C3: variants seen among roughly 807,000 people sequenced by gnomAD.
C3 encodes the protein complement C3.
Under a neutral mutation model 207.9 loss-of-function variants are expected in C3, and 97 were observed. The observed-to-expected ratio is 0.47, with a 90% CI of 0.40 to 0.55. The LOEUF is 0.55. Among genes scored for constraint, C3 ranks in the 20% least tolerant of loss-of-function variants. The pLI is 0.00. For missense variants in C3, 1,684 were observed against 2,171.7 expected (o/e 0.78, Z 4.46); for synonymous variants, 848 against 857.6 (o/e 0.99, Z 0.20).
At chr19:6,709,611 T>TTGGCCCCCCCC in intron 14 of C3, 73 bp downstream of exon 14, 2 of 1,109,450 alleles carry the variant, frequency 1.8e-6, no homozygotes, top group Non-Finnish European at 1.4e-6. Flanking sequence ...CCCTCTCCAG[T>TTGGCCCCCCCC]CCCACCCACC....
intron 24 of C3, among the ~76,000 whole-genome samples, 158 bp from the exon 25 acceptor site, chr19:6,693,645 G>T (rs1310511841): frequency 6.6e-6 from 1 of 151,926 alleles, no homozygotes; most frequent in Non-Finnish European, 1.5e-5. Flanking sequence ...CTCAAAGAGG[G>T]TGGGGGATCA....
chr19:6,686,227 G>T lies in C3; in HGVS notation c.3707C>A (p.Ala1236Asp), dbSNP rs751291448. Residue 1236 changes from alanine (A) to aspartate (D), a missense_variant, in exon 29 of 41, where the codon GCC (alanine) becomes GAC (aspartate). Around this residue, in one of 3 missense-constraint regions of C3, gnomAD observed 1,280 missense variants for 1,739.1 expected, o/e 0.74. Coordinates refer to ENST00000245907, the MANE Select transcript of C3 (RefSeq NM_000064.4). ...TTTTAGCTGCAGTAGGGCCAAGAGG[G>T]CATAGGATGTGGCCTCCACGTTGTA... ...QLYNVEATSY[A>D]LLALLQLKDF... 1 of 1,614,136 alleles carries T rather than the reference G, an allele frequency of 6.2e-7. No individual in the cohort carries two copies.
chr19:6,690,751 G>C, intron 26 of C3, 24 bp from the exon 27 acceptor site: 1 of 1,584,938 alleles, frequency 6.3e-7, no homozygotes, highest in South Asian at 1.1e-5. Flanking sequence ...CAGAAAGCAA[G>C]GATGGGGTCA....
In C3 at chr19:6,686,882, A is replaced by C. The variant is rs753520564; in HGVS notation, c.3510T>G (p.Thr1170=). The C allele has an allele frequency of 2.5e-6, 4 of 1,614,200 alleles. No homozygotes were observed. The East Asian group carries it at 6.7e-5, about 27-fold the overall frequency. The change falls in exon 28 of 41, where the codon ACT becomes ACG. Residue 1170 remains threonine, a synonymous_variant. Transcript: ENST00000245907. ...EQVNSLPGSI[T]KAGDFLEANY... is the part of the protein sequence containing the mutation. ...TGGCTTCAAGGAAGTCTCCTGCTTT[A>C]GTGATGCTGCCTGGCAGGCTCTATG...
intron 19 of C3, among the ~76,000 whole-genome samples, chr19:6,700,011 A>G (rs1967609779): frequency 6.7e-6 from 1 of 148,532 alleles, no homozygotes; most frequent in Non-Finnish European, 1.5e-5. Flanking sequence ...GTCAACAATA[A>G]CAAATGACAT....
Position 6,714,432 on chromosome 19 carries a change from G to C in C3, c.519C>G (p.Ile173Met). 1 of 1,613,582 alleles carries C rather than the reference G, an allele frequency of 6.2e-7. No individual in the cohort carries two copies. Among genetic ancestry groups the C allele is most frequent in the Non-Finnish European group, 8.5e-7 (1 of 1,179,850 alleles). The stretch of plus-strand genomic sequence containing the variant: ...AAGACAAGGAGTCCTGCTTGACCGG[G>C]ATGCCTTCCGGGTTCTGTGGGAGGC... Reference protein sequence around the residue: ...VMVNIENPEGIPVKQDSLSSQ... With the variant: ...VMVNIENPEGMPVKQDSLSSQ... Residue 173 changes from isoleucine (I) to methionine (M), a missense_variant, in exon 5 of 41, where the codon ATC becomes ATG. By Grantham distance (10) the Ile-to-Met change is conservative. Transcript: ENST00000245907.
intron 14 of C3, 73 bp downstream of exon 14, chr19:6,709,611 T>TCCCCCCCCCCCCCCCCCCCCCCCC: frequency 6.3e-6 from 7 of 1,109,382 alleles, no homozygotes; most frequent in Admixed American, 3.5e-5. Context: ...CCCTCTCCAG[T>TCCCCCCCCCCCCCCCCCCCCCCCC]CCCACCCACC....
intron 2 of C3, among the ~76,000 whole-genome samples, 157 bp from the exon 3 acceptor site, chr19:6,718,569 G>A (rs1441781107): frequency 3.3e-5 from 5 of 151,836 alleles, no homozygotes; most frequent in Non-Finnish European, 4.4e-5. Flanking sequence ...AAGGAGGTGC[G>A]AGGGGAGAGG....
At chr19:6,680,011 C>T (rs1432908875) in intron 36 of C3, 147 bp downstream of exon 36, 2 of 684,640 alleles carry the variant, frequency 2.9e-6, no homozygotes, top group East Asian at 2.8e-5. Flanking sequence ...TCCTTGGGAC[C>T]CTCAGACCCG....
At chr19:6,700,438 A>AAT (rs1377816363) in intron 19 of C3, among the ~76,000 whole-genome samples, 1 of 51,878 alleles carries the variant, frequency 1.9e-5, no homozygotes, top group Admixed American at 3.3e-4. Flanking sequence ...TGATATATGT[A>AAT]ATATGATATA....
chr19:6,715,487 T>TAATG lies in C3; in HGVS notation c.505-1045_505-1042dup, dbSNP rs563764188. Among the ~76,000 whole-genome samples, 28 of 151,760 alleles carry TAATG rather than the reference T, an allele frequency of 1.8e-4. No individual in the cohort carries two copies. In the South Asian group the frequency reaches 5.6e-3, roughly 30 times the overall value. On this transcript the variant is annotated intron_variant, in intron 4 of 40. Transcript: ENST00000245907. ...TGAGACCCTGTCTCAAAAATAATAA[T>TAATG]AATGAATGAATGAATGAATAAATAA...
chr19:6,699,370 G>A (rs1316416196), intron 19 of C3, among the ~76,000 whole-genome samples: 1 of 151,086 alleles, frequency 6.6e-6, no homozygotes, highest in African/African-American at 2.4e-5. Context: ...CTTTGCACCC[G>A]GCCTGAGAAT....
rs553222471 is a variant in C3 at position 6,685,810 on chromosome 19, T to C, written c.3810+314A>G. On this transcript the variant is annotated intron_variant, in intron 29 of 40. Coordinates refer to ENST00000245907, the MANE Select transcript of C3 (RefSeq NM_000064.4). The stretch of plus-strand genomic sequence containing the variant: ...AGCAAGACAGGGTAAGATTGTGAGA[T>C]AGAACTGGGAACCTGGTCTAGAGCC... Among the ~76,000 whole-genome samples, 199 of 152,186 alleles carry C rather than the reference T, an allele frequency of 1.3e-3. 5 individuals carry two copies. The East Asian group carries it at 0.035, about 27-fold the overall frequency.
intron 1 of C3, among the ~76,000 whole-genome samples, chr19:6,720,065 A>T (rs11569401): frequency 7.3e-5 from 11 of 151,276 alleles, no homozygotes; most frequent in Non-Finnish European, 1.3e-4. Context: ...GTCTCCAAAC[A>T]CCCCCAACCG....
intron 27 of C3, among the ~76,000 whole-genome samples, chr19:6,689,915 A>C (rs1918127366): frequency 6.6e-6 from 1 of 152,140 alleles, no homozygotes; most frequent in East Asian, 1.9e-4. Flanking sequence ...CTGGGAGGCA[A>C]AGGGTGCAGT....
At chr19:6,694,337 G>T (rs933609117) in intron 24 of C3, 94 bp downstream of exon 24, 1 of 1,106,972 alleles carries the variant, frequency 9.0e-7, no homozygotes, top group Non-Finnish European at 1.4e-6. Flanking sequence ...GGAGCCTCAG[G>T]GGAGGGCGTG....
At chr19:6,713,578 TG>T (rs1312322420) in intron 7 of C3, 69 bp from the exon 8 acceptor site, 274 of 1,237,230 alleles carry the variant, frequency 2.2e-4, no homozygotes, top group Admixed American at 5.7e-4. Flanking sequence ...CAGCTTCTCC[TG>T]CCTGTGCTGA....
intron 14 of C3, among the ~76,000 whole-genome samples, chr19:6,708,493 C>T: frequency 6.6e-6 from 1 of 151,356 alleles, no homozygotes; most frequent in Non-Finnish European, 1.5e-5. Flanking sequence ...CTTCCTTCCT[C>T]TCCCTCCCTT....
At chr19:6,713,124 C>T (rs1476551999) in intron 9 of C3, 65 bp downstream of exon 9, 2 of 1,592,824 alleles carry the variant, frequency 1.3e-6, no homozygotes, top group African/African-American at 2.7e-5. Flanking sequence ...CTCTTCTGAC[C>T]TGGTCTCCCC....
Sources: gnomAD v4.1 joint callset for allele counts (sites outside exome capture counted in the v4.1 genomes callset) on GRCh38, gnomAD v4.1.1 for gene constraint, gnomAD v4.1.1 regional missense constraint, MANE v1.5 for transcripts, NCBI Gene and HGNC (gene_info 2026-07-23, HGNC 2026-07-21) for gene names.